The following KCNIP4 variants were observed in gnomAD, a reference collection of about 807,000 sequenced individuals.
The protein encoded by KCNIP4 is Kv channel-interacting protein 4.
Under a neutral mutation model 34.0 loss-of-function variants are expected in KCNIP4, and 12 were observed. The ratio of observed to expected loss-of-function variants is 0.35; its 90% CI spans 0.23 to 0.57. KCNIP4 has a LOEUF of 0.57. Among genes scored for constraint, KCNIP4 ranks in the 20% least tolerant of loss-of-function variants. The pLI is 0.83. For synonymous variants in KCNIP4, 124 were observed against 102.2 expected (o/e 1.21, Z -1.29); for missense variants, 238 against 311.7 (o/e 0.76, Z 1.78).
chr4:20,922,516 A>ACTGTCTGTCTGT (rs763750641), intron 1 of KCNIP4, among the ~76,000 whole-genome samples: 222 of 143,328 alleles, frequency 1.5e-3, no homozygotes, highest in South Asian at 5.6e-3. Context: ...TAATAGTGTG[A>ACTGTCTGTCTGT]CTGTCTGTCT....
chr4:21,066,616 T>C (rs141696000), intron 1 of KCNIP4, among the ~76,000 whole-genome samples: 3,407 of 151,514 alleles, frequency 0.022, 64 homozygotes, highest in Non-Finnish European at 0.031. Context: ...AGACTTAGCA[T>C]TGGAACTCAG....
chr4:20,830,272 G>C (rs2130918), intron 3 of KCNIP4, among the ~76,000 whole-genome samples: 1 of 151,890 alleles, frequency 6.6e-6, no homozygotes, highest in African/African-American at 2.4e-5. Context: ...TCCCTTTACA[G>C]GTAATCCAAA....
At chr4:21,835,153 G>T (rs1723242370) in intron 1 of KCNIP4, among the ~76,000 whole-genome samples, 2 of 151,892 alleles carry the variant, frequency 1.3e-5, no homozygotes, top group South Asian at 4.2e-4. Flanking sequence ...CTTACAGTAG[G>T]GTGAGATTAT....
chr4:20,826,589 A>AAAAC (rs10687574), intron 3 of KCNIP4, among the ~76,000 whole-genome samples: 17,954 of 150,896 alleles, frequency 0.12, 1,699 homozygotes, highest in African/African-American at 0.24. Flanking sequence ...ACCTTGTCTC[A>AAAAC]AAACAAACAA....
chr4:20,808,994 C>T (rs1383349214), intron 3 of KCNIP4, among the ~76,000 whole-genome samples: 2 of 152,236 alleles, frequency 1.3e-5, no homozygotes, highest in African/African-American at 4.8e-5. Context: ...TAGGAACCAT[C>T]ATTCTTTGTA....
chr4:21,937,975 T>C (rs1729964205), intron 1 of KCNIP4, among the ~76,000 whole-genome samples: 1 of 152,150 alleles, frequency 6.6e-6, no homozygotes, highest in South Asian at 2.1e-4. Context: ...CTGCATCACA[T>C]CTTGACCGTG....
At chr4:20,820,864 T>A (rs1050573860) in intron 3 of KCNIP4, among the ~76,000 whole-genome samples, 1 of 152,164 alleles carries the variant, frequency 6.6e-6, no homozygotes, top group Non-Finnish European at 1.5e-5. Flanking sequence ...AGGTACAGGT[T>A]TAATGCAGGA....
intron 1 of KCNIP4, among the ~76,000 whole-genome samples, chr4:21,499,114 C>T (rs1486661536): frequency 1.3e-5 from 2 of 151,958 alleles, no homozygotes; most frequent in African/African-American, 2.4e-5. Flanking sequence ...GGGCAGATCA[C>T]GAGGTCAGAA....
rs191620421 is a variant in KCNIP4, at chr4:20,947,356, A to G, written c.62-64647T>C. Among the ~76,000 whole-genome samples, 349 of 152,148 alleles carry G rather than the reference A, an allele frequency of 2.3e-3. 9 individuals are homozygous for G. The highest frequency in any genetic ancestry group is 0.016 in the Admixed American group (244 of 15,288). On this transcript the variant is annotated intron_variant, in intron 1 of 8. Transcript: ENST00000382152. ...GCTAATTTTTGTACTTTTAGTAGAG[A>G]TAGGGTTTCACCATGTTGCCCAGGC...
chr4:21,685,586 G>A (rs1262545173), intron 1 of KCNIP4, among the ~76,000 whole-genome samples: 1 of 152,160 alleles, frequency 6.6e-6, no homozygotes, highest in South Asian at 2.1e-4. Context: ...CCAATTAGCT[G>A]TTATGACCTT....
intron 1 of KCNIP4, among the ~76,000 whole-genome samples, chr4:21,210,867 CA>C (rs1394805996): frequency 2.0e-5 from 3 of 151,740 alleles, no homozygotes; most frequent in East Asian, 3.9e-4. Flanking sequence ...ATGTAAAATG[CA>C]AAAAAAGATT....
intron 1 of KCNIP4, among the ~76,000 whole-genome samples, chr4:21,143,376 A>G (rs1033893633): frequency 2.0e-5 from 3 of 152,182 alleles, no homozygotes; most frequent in African/African-American, 7.2e-5. Context: ...GAGAGTGACC[A>G]TTGACCAATA....
chr4:21,276,813 C>T (rs548792059), intron 1 of KCNIP4, among the ~76,000 whole-genome samples: 14 of 152,264 alleles, frequency 9.2e-5, no homozygotes, highest in African/African-American at 2.9e-4. Context: ...CAGAGGTCTG[C>T]TAAGGAGCTC....
intron 1 of KCNIP4, among the ~76,000 whole-genome samples, chr4:21,252,493 C>T (rs1429284755): frequency 2.0e-5 from 3 of 151,938 alleles, no homozygotes; most frequent in Non-Finnish European, 2.9e-5. Context: ...ATTATCGTGA[C>T]AATGAAATAA....
At chr4:21,225,310 A>G (rs1299622136) in intron 1 of KCNIP4, among the ~76,000 whole-genome samples, 1 of 152,114 alleles carries the variant, frequency 6.6e-6, no homozygotes, top group Non-Finnish European at 1.5e-5. Flanking sequence ...CAAACATAAA[A>G]AGGAAGATCC....
At chr4:21,406,167 C>T (rs1286841555) in intron 1 of KCNIP4, among the ~76,000 whole-genome samples, 1 of 152,110 alleles carries the variant, frequency 6.6e-6, no homozygotes, top group Non-Finnish European at 1.5e-5. Context: ...GACAGAGGGG[C>T]CTTGCTCTGT....
At chr4:21,810,882 A>G (rs181723830) in intron 1 of KCNIP4, among the ~76,000 whole-genome samples, 59 of 152,328 alleles carry the variant, frequency 3.9e-4, no homozygotes, top group African/African-American at 1.4e-3. Flanking sequence ...AACAGTCTGA[A>G]TGAGGTAAAC....
chr4:21,246,616 A>G (rs936331041), intron 1 of KCNIP4, among the ~76,000 whole-genome samples: 1 of 151,692 alleles, frequency 6.6e-6, no homozygotes, highest in African/African-American at 2.4e-5. Context: ...TGATACACCT[A>G]CTCCTTGCCA....
At position 20,749,728 on chromosome 4, in the gene KCNIP4, A is replaced by G; in HGVS notation, c.363T>C (p.Ser121=). The G allele has an allele frequency of 1.2e-6, 2 of 1,604,130 alleles. No homozygotes were observed. Among genetic ancestry groups the G allele is most frequent in the Non-Finnish European group, 1.7e-6 (2 of 1,172,536 alleles). The change falls in exon 5 of 9, where the codon TCT becomes TCC. Residue 121 remains serine (S), a synonymous_variant. Coordinates refer to ENST00000382152, the MANE Select transcript of KCNIP4 (RefSeq NM_025221.6). ...TGAACAGAAAATGTGCATATGTTGT[A>G]GAGTCTGAAATGGTAAAAAGGGAGT... ...IYSQFFPQGD[S]TTYAHFLFNA...
Sources: gnomAD v4.1 joint callset for allele counts (sites outside exome capture counted in the v4.1 genomes callset) on GRCh38, gnomAD v4.1.1 for gene constraint, MANE v1.5 for transcripts, NCBI Gene and HGNC (gene_info 2026-07-23, HGNC 2026-07-21) for gene names.